BIVM: variants seen among roughly 807,000 people sequenced by gnomAD.
BIVM encodes the protein basic, immunoglobulin-like variable motif containing.
Under a neutral mutation model 61.4 loss-of-function variants are expected in BIVM, and 31 were observed. The ratio of observed to expected loss-of-function variants is 0.51; its 90% confidence interval spans 0.38 to 0.68. The LOEUF is 0.68. BIVM is among the 30% of genes least tolerant of loss of function. The pLI, the probability that BIVM is intolerant of heterozygous loss-of-function variation, is 0.00. For synonymous variants in BIVM, 189 were observed against 210.7 expected (o/e 0.90, Z 0.89); for missense variants, 526 against 596.0 (o/e 0.88, Z 1.22).
intron 4 of BIVM, 175 bp downstream of exon 4, chr13:102,816,729 A>G (rs1879889729): frequency 1.7e-6 from 1 of 574,534 alleles, no homozygotes; most frequent in African/African-American, 2.0e-5. Context: ...GTAGATTAAT[A>G]ATGAGTTATG....
At chr13:102,820,351 C>CAAAAAAAAAAAA (rs6145205) in intron 4 of BIVM, 1 of 83,496 alleles carries the variant, frequency 1.2e-5, no homozygotes, top group Non-Finnish European at 2.8e-5. Flanking sequence ...GACTCTGTCT[C>CAAAAAAAAAAAA]AAAAAAAAAA....
rs992146039 is a variant in BIVM, at chr13:102,807,854, G to A, written c.478+109G>A. On this transcript the variant is annotated intron_variant, in intron 3 of 10. Coordinates refer to ENST00000257336, the MANE Select transcript of BIVM (RefSeq NM_017693.4). The surrounding 1 kb of genome is among the most constrained non-coding windows in gnomAD (Gnocchi z 4.0). ...GTTTCCTTGTATAATACTAGATAAG[G>A]AACATGGCTATCATCTTGTCTGTCA... 1 of 1,184,094 alleles carries A rather than the reference G, an allele frequency of 8.4e-7. No individual in the cohort carries two copies. The highest frequency in any genetic ancestry group is 1.2e-6 in the Non-Finnish European group (1 of 863,240). The allele number at this position is 1,184,094 out of a possible 1,614,324, so 73.3% of individuals were successfully genotyped here.
intron 4 of BIVM, 93 bp downstream of exon 4, chr13:102,816,647 A>G: frequency 9.0e-7 from 1 of 1,110,538 alleles, no homozygotes; most frequent in South Asian, 3.1e-5. Flanking sequence ...CATTATATGT[A>G]TCATAAATAT....
rs1436486219 is a variant in BIVM, at chr13:102,840,854, G to T, written c.*989G>T. On this transcript the variant is annotated 3_prime_UTR_variant, in exon 11 of 11. Coordinates refer to ENST00000257336, the MANE Select transcript of BIVM (RefSeq NM_017693.4). Reference sequence around the variant, plus strand: ...AAGTCTAGATGACGTTTGCCTTAGGGGTAAAGTAAAAGAACAATTGGCACC... The same window carrying T: ...AAGTCTAGATGACGTTTGCCTTAGGTGTAAAGTAAAAGAACAATTGGCACC... The T allele has an allele frequency of 6.6e-6, 1 of 151,992 alleles. No homozygotes were observed. The highest frequency in any genetic ancestry group is 6.6e-5 in the Admixed American group (1 of 15,258). The allele number at this position is 151,992 out of a possible 1,614,324, so 9.4% of individuals were successfully genotyped here. A position where few individuals can be genotyped will look rare whatever the true frequency, so the allele number is the denominator to read the frequency against.
chr13:102,821,747 C>T lies in BIVM; in HGVS notation c.706C>T (p.Pro236Ser). 1 of 1,612,724 alleles carries T rather than the reference C, an allele frequency of 6.2e-7. No homozygotes were observed. The highest frequency in any genetic ancestry group is 8.5e-7 in the Non-Finnish European group (1 of 1,179,646). Reference protein sequence around the residue: ...LYSTMGAGNLPPITQEEALHI... With the variant: ...LYSTMGAGNLSPITQEEALHI... ...CAATGAATGTTTCTTTTGTAGCCTT[C>T]CACCTATTACCCAAGAAGAAGCTTT... Residue 236 changes from proline to serine, a missense_variant, in exon 6 of 11, where the codon CCA becomes TCA. This residue lies in a region of BIVM where 312 missense variants were observed against 343.8 expected (regional missense o/e 0.91). Coordinates refer to ENST00000257336, the MANE Select transcript of BIVM (RefSeq NM_017693.4).
At chr13:102,838,987 C>G (rs779632778) in intron 10 of BIVM, among the ~76,000 whole-genome samples, 3 of 152,214 alleles carry the variant, frequency 2.0e-5, no homozygotes, top group Non-Finnish European at 2.9e-5. Context: ...GTCTGCTTCA[C>G]TCTTTTGGGG....
intron 7 of BIVM, among the ~76,000 whole-genome samples, chr13:102,830,282 G>A (rs1014436165): frequency 4.6e-5 from 7 of 152,158 alleles, no homozygotes; most frequent in Non-Finnish European, 1.0e-4. Flanking sequence ...TGCGGCCGTG[G>A]ACCTGCTGCT....
intron 7 of BIVM, among the ~76,000 whole-genome samples, chr13:102,824,451 G>T (rs1378446550): frequency 6.6e-6 from 1 of 152,198 alleles, no homozygotes; most frequent in East Asian, 1.9e-4. Flanking sequence ...CACAAAGGGG[G>T]TCATCTTGTA....
intron 4 of BIVM, among the ~76,000 whole-genome samples, chr13:102,817,685 A>ATT (rs76881766): frequency 1.4e-5 from 2 of 144,164 alleles, no homozygotes; most frequent in Admixed American, 7.0e-5. Context: ...CAAAATTCCA[A>ATT]TTTTTTTTTT....
chr13:102,827,416 G>A (rs9557937), intron 7 of BIVM, among the ~76,000 whole-genome samples: 37,374 of 151,066 alleles, frequency 0.25, 4,749 homozygotes, highest in East Asian at 0.43. Context: ...TGTAATTTGA[G>A]TAAGTTTTAA....
intron 9 of BIVM, among the ~76,000 whole-genome samples, chr13:102,837,506 A>G (rs1434644717): frequency 6.6e-6 from 1 of 152,196 alleles, no homozygotes; most frequent in Non-Finnish European, 1.5e-5. Flanking sequence ...AGATTCCTTA[A>G]AGAACTAAAA....
chr13:102,811,305 G>T (rs1879478005), intron 3 of BIVM, among the ~76,000 whole-genome samples: 1 of 152,136 alleles, frequency 6.6e-6, no homozygotes, highest in African/African-American at 2.4e-5. Flanking sequence ...GTCTGGGAAT[G>T]TCTGAGTTTC....
At chr13:102,800,744 G>A (rs1314707853) in intron 1 of BIVM, 1 of 152,294 alleles carries the variant, frequency 6.6e-6, no homozygotes, top group Non-Finnish European at 1.5e-5. Context: ...AGGTCTGAAG[G>A]GGAGGAAGGG....
chr13:102,825,541 G>C (rs117694965), intron 7 of BIVM, among the ~76,000 whole-genome samples: 1 of 152,310 alleles, frequency 6.6e-6, no homozygotes, highest in South Asian at 2.1e-4. Context: ...AAATTCCTGA[G>C]CATGGTGTTT....
chr13:102,802,007 C>G (rs914922239), intron 1 of BIVM, among the ~76,000 whole-genome samples: 11 of 152,156 alleles, frequency 7.2e-5, no homozygotes, highest in African/African-American at 2.7e-4. Flanking sequence ...CCAGATAGAT[C>G]TAGGGACCAT....
In BIVM at chr13:102,807,796, A is replaced by G; in HGVS notation, c.478+51A>G. On this transcript the variant is annotated intron_variant, in intron 3 of 10. Coordinates refer to ENST00000257336, the MANE Select transcript of BIVM (RefSeq NM_017693.4). This position sits in a 1 kb window ranked among gnomAD's most constrained non-coding sequence, Gnocchi z 4.0. The stretch of plus-strand genomic sequence containing the variant: ...ATGTGAAAATAATGAGAAAACAAAC[A>G]CTATGTCTTGTTTAATCTTGCCATT... The G allele has an allele frequency of 6.6e-7, 1 of 1,511,778 alleles. No homozygotes were observed. The highest frequency in any genetic ancestry group is 1.3e-5 in the South Asian group (1 of 78,694). The allele number at this position is 1,511,778 out of a possible 1,614,324, so 93.6% of individuals were successfully genotyped here. A position where few individuals can be genotyped will look rare whatever the true frequency, so the allele number is the denominator to read the frequency against.
intron 7 of BIVM, among the ~76,000 whole-genome samples, chr13:102,823,089 A>G (rs1434809618): frequency 6.6e-6 from 1 of 152,202 alleles, no homozygotes; most frequent in Non-Finnish European, 1.5e-5. Flanking sequence ...GAACTTGATT[A>G]GATATTAAGG....
chr13:102,824,045 C>A (rs1275514428), intron 7 of BIVM, among the ~76,000 whole-genome samples: 1 of 152,144 alleles, frequency 6.6e-6, no homozygotes, highest in Non-Finnish European at 1.5e-5. Flanking sequence ...ATGTGCCAAA[C>A]CTTTTTCTGG....
intron 3 of BIVM, among the ~76,000 whole-genome samples, chr13:102,816,163 G>A (rs1566448121): frequency 1.3e-5 from 2 of 152,186 alleles, no homozygotes; most frequent in Non-Finnish European, 2.9e-5. Flanking sequence ...ACACGAAATA[G>A]GATTCATGGT....
Sources: gnomAD v4.1 joint callset for allele counts (sites outside exome capture counted in the v4.1 genomes callset) on GRCh38, gnomAD v4.1.1 for gene constraint, gnomAD v4.1.1 regional missense constraint, Gnocchi (gnomAD v3.1) non-coding constraint, MANE v1.5 for transcripts, NCBI Gene and HGNC (gene_info 2026-07-23, HGNC 2026-07-21) for gene names.